COL21A1: variants seen among roughly 807,000 people sequenced by gnomAD.
The protein encoded by COL21A1 is collagen alpha-1(XXI) chain.
In COL21A1, 149 loss-of-function variants were observed where a neutral mutation model predicts 137.9. That is an observed-to-expected ratio of 1.08 (90% CI 0.95 to 1.24). COL21A1 has a LOEUF of 1.24. Among genes scored for constraint, COL21A1 ranks in the 50% most tolerant of loss-of-function variants. COL21A1 has a pLI of 0.00. For synonymous variants in COL21A1, 456 were observed against 391.5 expected, an observed-to-expected ratio of 1.16 and a Z score of -1.95; for missense variants, 1,167 against 1,158.4, an observed-to-expected ratio of 1.01 and a Z score of -0.11.
upstream of COL21A1, among the ~76,000 whole-genome samples, chr6:56,249,784 T>C (rs1427769625): frequency 6.6e-6 from 1 of 152,212 alleles, no homozygotes; most frequent in East Asian, 1.9e-4. Flanking sequence ...ATAAAAATGC[T>C]CTGGAGTTCG....
At chr6:56,185,899 AT>A (rs1244287332) in intron 1 of COL21A1, among the ~76,000 whole-genome samples, 1 of 152,202 alleles carries the variant, frequency 6.6e-6, no homozygotes, top group Non-Finnish European at 1.5e-5. Context: ...AGGGAAAAAA[AT>A]AAAATAAAAC....
chr6:56,346,341 G>C (rs9382622), intron 1 of COL21A1, among the ~76,000 whole-genome samples: 1 of 152,028 alleles, frequency 6.6e-6, no homozygotes, highest in South Asian at 2.1e-4. Flanking sequence ...GATTGATACA[G>C]CATGTACTCT....
intron 3 of COL21A1, among the ~76,000 whole-genome samples, chr6:56,173,440 A>G (rs186437430): frequency 7.0e-4 from 106 of 152,098 alleles, no homozygotes; most frequent in Non-Finnish European, 1.4e-3. Flanking sequence ...GGAAAAGGGA[A>G]AAGGGAAAGG....
chr6:56,124,867 G>A (rs568141978), intron 14 of COL21A1, among the ~76,000 whole-genome samples: 16 of 151,912 alleles, frequency 1.1e-4, no homozygotes, highest in African/African-American at 2.2e-4. Context: ...GGATGGTCTC[G>A]ATCTCCTGAC....
At chr6:56,290,450 C>G (rs1764011723) in intron 1 of COL21A1, among the ~76,000 whole-genome samples, 1 of 148,852 alleles carries the variant, frequency 6.7e-6, no homozygotes, top group African/African-American at 2.5e-5. Flanking sequence ...AGCCATTGCT[C>G]TAGAACAAAG....
intron 1 of COL21A1, among the ~76,000 whole-genome samples, chr6:56,238,870 T>A (rs890059419): frequency 6.6e-6 from 1 of 152,218 alleles, no homozygotes; most frequent in Non-Finnish European, 1.5e-5. Flanking sequence ...TGATAATAAC[T>A]AATTTGAACT....
chr6:56,197,878 CTA>C lies in COL21A1; in HGVS notation c.-38-15224_-38-15223del, dbSNP rs568157589. Among the ~76,000 whole-genome samples, 31 of 152,160 alleles carry C rather than the reference CTA, an allele frequency of 2.0e-4. No individual in the cohort carries two copies. The South Asian group carries it at 6.4e-3, about 31-fold the overall frequency. On this transcript the variant is annotated intron_variant, in intron 1 of 29. Transcript: ENST00000244728. ...GATGTTTCCAAAGGAAATAAAATCA[CTA>C]TCTCAAAGAGGTATCTATAGTCCCA... is the stretch of plus-strand genomic sequence containing the variant.
chr6:56,181,057 T>C (rs1188873873), intron 2 of COL21A1, among the ~76,000 whole-genome samples: 11 of 152,194 alleles, frequency 7.2e-5, no homozygotes, highest in Admixed American at 7.2e-4. Context: ...CACAGTTAGG[T>C]TGCCATCCCC....
intron 1 of COL21A1, among the ~76,000 whole-genome samples, chr6:56,206,697 AATATATATAT>A (rs1204449084): frequency 1.9e-4 from 6 of 32,326 alleles, no homozygotes; most frequent in African/African-American, 4.4e-4. Flanking sequence ...TAAATAAATA[AATATATATAT>A]ATATATATAT....
chr6:56,225,154 C>T (rs1781106976), intron 1 of COL21A1, among the ~76,000 whole-genome samples: 1 of 151,978 alleles, frequency 6.6e-6, no homozygotes, highest in Admixed American at 6.6e-5. Context: ...TAAATTTTTC[C>T]CCACAAAGCC....
intron 16 of COL21A1, among the ~76,000 whole-genome samples, chr6:56,123,326 C>T (rs964834611): frequency 1.3e-5 from 2 of 152,084 alleles, no homozygotes; most frequent in Non-Finnish European, 2.9e-5. Flanking sequence ...GTATACTCTT[C>T]GAAGAATCAT....
intron 29 of COL21A1, among the ~76,000 whole-genome samples, chr6:56,058,858 G>C (rs759392845): frequency 6.6e-6 from 1 of 152,114 alleles, no homozygotes; most frequent in Non-Finnish European, 1.5e-5. Flanking sequence ...CTGCTTCCCT[G>C]AGAGTCATAA....
chr6:56,240,928 G>A lies in COL21A1; in HGVS notation c.-39+6459C>T, dbSNP rs115503687. ...ACTTCACACTCACATGTTTGCTGTC[G>A]TTACAAAAATACAAAAGTTTGAATT... On this transcript the variant is annotated intron_variant, in intron 1 of 29. Coordinates refer to ENST00000244728, the MANE Select transcript of COL21A1 (RefSeq NM_030820.4). 7.6e-3 allele frequency among the ~76,000 whole-genome samples: 1,161 copies of A among 152,198 alleles called. 19 individuals carry two copies. Among genetic ancestry groups the A allele is most frequent in the African/African-American group, 0.026 (1,076 of 41,518 alleles).
At chr6:56,246,802 C>T (rs1402594841) in intron 1 of COL21A1, among the ~76,000 whole-genome samples, 1 of 152,140 alleles carries the variant, frequency 6.6e-6, no homozygotes, top group African/African-American at 2.4e-5. Context: ...TGCTGTAGTT[C>T]GCTGCTTTCT....
At chr6:56,357,652 G>A (rs1022285966) in intron 1 of COL21A1, among the ~76,000 whole-genome samples, 3 of 152,218 alleles carry the variant, frequency 2.0e-5, no homozygotes, top group African/African-American at 7.2e-5. Flanking sequence ...TTGGGCAGCA[G>A]GGCTCTGCCA....
intron 21 of COL21A1, 28 bp from the exon 22 acceptor site, chr6:56,069,145 T>TCACA (rs1351278006): frequency 1.3e-6 from 2 of 1,487,780 alleles, no homozygotes; most frequent in Admixed American, 3.8e-5. Flanking sequence ...TCCAGAAAGA[T>TCACA]CACAGATCTA....
At chr6:56,208,660 T>A (rs1010088883) in intron 1 of COL21A1, among the ~76,000 whole-genome samples, 1 of 152,250 alleles carries the variant, frequency 6.6e-6, no homozygotes, top group African/African-American at 2.4e-5. Flanking sequence ...CTTCACTGAA[T>A]TAGAAAACAC....
intron 9 of COL21A1, among the ~76,000 whole-genome samples, chr6:56,158,253 C>CTTTTTTTTTTTTTTTTTTTTT (rs59381031): frequency 1.9e-5 from 2 of 104,908 alleles, no homozygotes; most frequent in Non-Finnish European, 1.8e-5. Context: ...TGGGTTTTTT[C>CTTTTTTTTTTTTTTTTTTTTT]TTTTTTTTTT....
chr6:56,142,006 A>G, intron 10 of COL21A1, 23 bp from the exon 11 acceptor site: 1 of 1,458,372 alleles, frequency 6.9e-7, no homozygotes, highest in Non-Finnish European at 9.3e-7. Flanking sequence ...TTAAAAAGAA[A>G]AAAAATAATA....
Sources: gnomAD v4.1 joint callset for allele counts (sites outside exome capture counted in the v4.1 genomes callset) on GRCh38, gnomAD v4.1.1 for gene constraint, MANE v1.5 for transcripts, NCBI Gene and HGNC (gene_info 2026-07-23, HGNC 2026-07-21) for gene names.